WDFY4: variants seen among roughly 807,000 people sequenced by gnomAD.
The protein encoded by WDFY4 is WDFY family member 4.
Under a neutral mutation model 351.9 loss-of-function variants are expected in WDFY4, and 169 were observed. That is an observed-to-expected ratio of 0.48 (90% CI 0.42 to 0.55). WDFY4 has a LOEUF of 0.55. Among genes scored for constraint, WDFY4 ranks in the 20% least tolerant of loss-of-function variants. The pLI, the probability that WDFY4 is intolerant of heterozygous loss-of-function variation, is 0.00. For synonymous variants in WDFY4, 1,622 were observed against 1,574.6 expected, an observed-to-expected ratio of 1.03 and a Z score of -0.71; for missense variants, 3,803 against 3,935.6, an observed-to-expected ratio of 0.97 and a Z score of 0.90.
At chr10:48,712,275 C>T (rs974438256) in intron 2 of WDFY4, among the ~76,000 whole-genome samples, 1 of 152,190 alleles carries the variant, frequency 6.6e-6, no homozygotes, top group Admixed American at 6.5e-5. Context: ...GAGGGTAAGA[C>T]AAGACAATGA....
chr10:48,759,888 A>T (rs769930154), intron 12 of WDFY4, among the ~76,000 whole-genome samples: 7 of 152,050 alleles, frequency 4.6e-5, no homozygotes, highest in Non-Finnish European at 1.5e-5. Flanking sequence ...CTGCTCCATG[A>T]GTTCTAAGTG....
chr10:48,926,553 G>A (rs1414638039), intron 47 of WDFY4, among the ~76,000 whole-genome samples: 1 of 152,274 alleles, frequency 6.6e-6, no homozygotes, highest in Non-Finnish European at 1.5e-5. Flanking sequence ...CCTTTTGGAG[G>A]AACTGACCAC....
chr10:48,847,079 A>G (rs539680399), intron 39 of WDFY4, among the ~76,000 whole-genome samples: 91 of 152,276 alleles, frequency 6.0e-4, no homozygotes, highest in Middle Eastern at 3.4e-3. Context: ...AGGGTGGCAT[A>G]AACTACAGAC....
intron 47 of WDFY4, among the ~76,000 whole-genome samples, chr10:48,940,833 G>A (rs1342093814): frequency 1.3e-5 from 2 of 152,096 alleles, no homozygotes; most frequent in African/African-American, 4.8e-5. Context: ...GAAGGGAGAG[G>A]GGCTCCTCCC....
chr10:48,712,465 A>T (rs2063792812), intron 2 of WDFY4, among the ~76,000 whole-genome samples: 1 of 152,346 alleles, frequency 6.6e-6, no homozygotes, highest in East Asian at 1.9e-4. Flanking sequence ...AACCCTGCAG[A>T]GGCAGAATAT....
chr10:48,805,039 C>CG (rs1555017826), intron 25 of WDFY4, among the ~76,000 whole-genome samples: 2 of 150,964 alleles, frequency 1.3e-5, no homozygotes, highest in Non-Finnish European at 1.5e-5. Context: ...AGGTGGTTTC[C>CG]GGGGGGCGGA....
intron 47 of WDFY4, among the ~76,000 whole-genome samples, chr10:48,928,153 G>T (rs1401402497): frequency 6.6e-6 from 1 of 152,200 alleles, no homozygotes. Context: ...GGGTCTCAGA[G>T]AAGCGGCTTG....
intron 47 of WDFY4, among the ~76,000 whole-genome samples, chr10:48,911,615 T>C (rs918482052): frequency 6.6e-6 from 1 of 152,194 alleles, no homozygotes; most frequent in African/African-American, 2.4e-5. Context: ...GGTAACAGCA[T>C]GGGTTTCAAA....
At chr10:48,747,490 A>G (rs1023518408) in intron 12 of WDFY4, among the ~76,000 whole-genome samples, 1 of 151,976 alleles carries the variant, frequency 6.6e-6, no homozygotes, top group African/African-American at 2.4e-5. Flanking sequence ...TGTATGTTTT[A>G]CTTTTTCATT....
At chr10:48,754,305 C>G (rs1004184657) in intron 12 of WDFY4, among the ~76,000 whole-genome samples, 2 of 150,892 alleles carry the variant, frequency 1.3e-5, no homozygotes, top group East Asian at 3.9e-4. Context: ...CTTGCTGTTC[C>G]TGGAATATGC....
chr10:48,978,478 CA>C (rs1363729685), intron 60 of WDFY4, 85 bp downstream of exon 60: 6 of 1,296,638 alleles, frequency 4.6e-6, no homozygotes, highest in Non-Finnish European at 6.3e-6. Flanking sequence ...CCAAGGGCTG[CA>C]GCTCCTCCCA....
intron 13 of WDFY4, 83 bp from the exon 14 acceptor site, chr10:48,774,375 C>T (rs2065961245): frequency 3.5e-6 from 5 of 1,437,828 alleles, no homozygotes; most frequent in Middle Eastern, 4.6e-4. Context: ...CACAACTCAC[C>T]CCAGGCCAAG....
chr10:48,957,262 A>C lies in WDFY4; in HGVS notation c.8111A>C (p.Asn2704Thr). The C allele has an allele frequency of 6.4e-7, 1 of 1,551,576 alleles. No homozygotes were observed. Among genetic ancestry groups the C allele is most frequent in the Non-Finnish European group, 8.7e-7 (1 of 1,146,880 alleles). The change falls in exon 52 of 62, where the codon AAC (asparagine) becomes ACC (threonine). Residue 2704 changes from asparagine to threonine, a missense_variant. This residue lies in a region of WDFY4 where 3,054 missense variants were observed against 3,148.6 expected (regional missense o/e 0.97). Transcript: ENST00000325239. The stretch of plus-strand genomic sequence containing the variant: ...TTCTACCTGCCTGAGTTCTTAACCA[A>C]CTGCAACGGGGTAGAGTTCGGTAAG... ...EFFYLPEFLTNCNGVEFGCMQ... is the reference protein window; with the variant it reads ...EFFYLPEFLTTCNGVEFGCMQ...
At chr10:48,948,347 A>T (rs1382259794) in intron 51 of WDFY4, among the ~76,000 whole-genome samples, 1 of 152,240 alleles carries the variant, frequency 6.6e-6, no homozygotes, top group Non-Finnish European at 1.5e-5. Flanking sequence ...CATGCCAGGA[A>T]TCCCATCCAG....
chr10:48,757,749 C>T (rs2065379353), intron 12 of WDFY4, among the ~76,000 whole-genome samples: 1 of 151,294 alleles, frequency 6.6e-6, no homozygotes, highest in Non-Finnish European at 1.5e-5. Context: ...TTTTTTGACT[C>T]TCCTTTTTTG....
At chr10:48,696,573 A>T (rs183612496) in intron 1 of WDFY4, among the ~76,000 whole-genome samples, 2 of 152,346 alleles carry the variant, frequency 1.3e-5, no homozygotes, top group East Asian at 3.9e-4. Flanking sequence ...GAGACCCGAG[A>T]TTGGACAGAC....
intron 35 of WDFY4, among the ~76,000 whole-genome samples, chr10:48,825,455 G>T (rs11101526): frequency 6.6e-6 from 1 of 152,048 alleles, no homozygotes; most frequent in Non-Finnish European, 1.5e-5. Context: ...GATAATTTAT[G>T]TTCCTTTGGG....
At chr10:48,722,278 C>T (rs796733845) in intron 4 of WDFY4, among the ~76,000 whole-genome samples, 8 of 152,270 alleles carry the variant, frequency 5.3e-5, no homozygotes, top group African/African-American at 1.4e-4. Context: ...AAGCACAGCA[C>T]GAGGGCGCAT....
chr10:48,710,476 G>A (rs1443721380), intron 2 of WDFY4, among the ~76,000 whole-genome samples: 1 of 152,190 alleles, frequency 6.6e-6, no homozygotes, highest in Admixed American at 6.5e-5. Flanking sequence ...TCTAGGGTAG[G>A]GAGGGACTTA....
Sources: gnomAD v4.1 joint callset for allele counts (sites outside exome capture counted in the v4.1 genomes callset) on GRCh38, gnomAD v4.1.1 for gene constraint, gnomAD v4.1.1 regional missense constraint, MANE v1.5 for transcripts, NCBI Gene and HGNC (gene_info 2026-07-23, HGNC 2026-07-21) for gene names.